The following OCA2 variants were observed in gnomAD, a reference collection of about 807,000 sequenced individuals.
OCA2 encodes P protein.
A neutral mutation model predicts 100.2 loss-of-function variants in OCA2; 77 were observed. The observed-to-expected ratio is 0.77, with a 90% CI of 0.64 to 0.93. The LOEUF is 0.93. Among genes scored for constraint, OCA2 ranks in the 40% least tolerant of loss-of-function variants. The pLI is 0.00. For missense variants in OCA2, 1,062 were observed against 1,089.1 expected (o/e 0.98, Z 0.35); for synonymous variants, 432 against 439.2 (o/e 0.98, Z 0.21).
At chr15:27,762,163 A>C (rs2030891546) in intron 23 of OCA2, among the ~76,000 whole-genome samples, 1 of 152,196 alleles carries the variant, frequency 6.6e-6, no homozygotes, top group African/African-American at 2.4e-5. Context: ...ACTTTTAAGT[A>C]ATTTCCCATC....
chr15:27,868,544 G>T (rs2036417480), intron 21 of OCA2, among the ~76,000 whole-genome samples: 1 of 152,118 alleles, frequency 6.6e-6, no homozygotes, highest in Non-Finnish European at 1.5e-5. Flanking sequence ...AGAGTAGAAT[G>T]GTGGCTGTCG....
chr15:27,764,674 C>T lies in OCA2; in HGVS notation c.2433-9202G>A, dbSNP rs561321447. Among the ~76,000 whole-genome samples the T allele has an allele frequency of 1.3e-4, 20 of 152,254 alleles. No individual in the cohort carries two copies. The East Asian group carries it at 3.9e-3, about 30-fold the overall frequency. On this transcript the variant is annotated intron_variant, in intron 23 of 23. Transcript: ENST00000354638. ...GTTGTGACAGAGGCCTTGCGGTCCA[C>T]AAAGCCTGAAATATGCATTCACCCT...
intron 19 of OCA2, among the ~76,000 whole-genome samples, chr15:27,920,995 A>ATT (rs201490000): frequency 6.7e-6 from 1 of 148,498 alleles, no homozygotes; most frequent in Non-Finnish European, 1.5e-5. Context: ...GAAGAGAATA[A>ATT]TTTTTTTTAA....
chr15:27,943,905 T>C (rs1231522212), intron 18 of OCA2, among the ~76,000 whole-genome samples: 1 of 152,170 alleles, frequency 6.6e-6, no homozygotes, highest in African/African-American at 2.4e-5. Context: ...TATCTTCCTG[T>C]AACTTCTGTC....
chr15:27,776,814 C>T (rs1038588952), intron 23 of OCA2: 1 of 152,330 alleles, frequency 6.6e-6, no homozygotes, highest in African/African-American at 2.4e-5. Context: ...GAGGTCTCCT[C>T]TGCACCCTCT....
chr15:28,005,092 C>T (rs2042052283), intron 9 of OCA2, among the ~76,000 whole-genome samples: 2 of 152,154 alleles, frequency 1.3e-5, no homozygotes, highest in African/African-American at 2.4e-5. Flanking sequence ...GGTGTCAGGG[C>T]GTCCAGGAGG....
intron 2 of OCA2, 117 bp from the exon 3 acceptor site, chr15:28,032,280 A>G: frequency 2.4e-6 from 2 of 842,828 alleles, no homozygotes; most frequent in Non-Finnish European, 4.0e-6. Context: ...TCTTACAAGG[A>G]AATTTGCCTA....
chr15:27,843,491 T>C (rs765791964), intron 23 of OCA2, among the ~76,000 whole-genome samples: 11 of 152,172 alleles, frequency 7.2e-5, no homozygotes, highest in Non-Finnish European at 1.3e-4. Context: ...CTTGTTTAAC[T>C]GACAGGATGA....
At chr15:27,951,218 GA>G (rs2040016507) in intron 18 of OCA2, among the ~76,000 whole-genome samples, 1 of 152,206 alleles carries the variant, frequency 6.6e-6, no homozygotes, top group African/African-American at 2.4e-5. Context: ...ACAGGCTAGA[GA>G]AAGTGGAGAG....
At chr15:27,807,244 C>T (rs1354927678) in intron 23 of OCA2, among the ~76,000 whole-genome samples, 2 of 152,180 alleles carry the variant, frequency 1.3e-5, no homozygotes, top group Non-Finnish European at 2.9e-5. Flanking sequence ...GGTCTCCCCA[C>T]TCAAGCCATA....
chr15:28,028,848 A>C (rs2042832086), intron 3 of OCA2, among the ~76,000 whole-genome samples: 1 of 151,902 alleles, frequency 6.6e-6, no homozygotes, highest in Non-Finnish European at 1.5e-5. Context: ...ACCATGCCCA[A>C]CTAATTTTTG....
chr15:28,011,988 A>G (rs2042255048), intron 9 of OCA2, among the ~76,000 whole-genome samples: 1 of 152,156 alleles, frequency 6.6e-6, no homozygotes, highest in Admixed American at 6.5e-5. Flanking sequence ...AAAAAAAAAA[A>G]AGGAAAAAAA....
the OCA2 span, among the ~76,000 whole-genome samples, chr15:27,728,972 A>G: frequency 2.6e-5 from 4 of 152,204 alleles, no homozygotes; most frequent in South Asian, 8.3e-4. Context: ...TCTTCCCTCA[A>G]TGTAACTTTT....
intron 2 of OCA2, among the ~76,000 whole-genome samples, chr15:28,080,489 T>C (rs1026005917): frequency 1.1e-4 from 16 of 152,304 alleles, no homozygotes; most frequent in African/African-American, 3.6e-4. Context: ...TCAAAACACA[T>C]TGCCAAAGAG....
rs373254319 is a variant in OCA2 at position 28,009,036 on chromosome 15, C to G, written c.1044+5740G>C. Among the ~76,000 whole-genome samples the G allele has an allele frequency of 3.4e-4, 52 of 152,316 alleles. No individual in the cohort carries two copies. In the South Asian group the frequency reaches 6.2e-3, roughly 18 times the overall value. ...GCAAATTCTACCCCTAGAGTAGATC[C>G]TAGGAATAATGCAATGTTGGCTCCA... is the stretch of plus-strand genomic sequence containing the variant. On this transcript the variant is annotated intron_variant, in intron 9 of 23. Coordinates refer to ENST00000354638, the MANE Select transcript of OCA2 (RefSeq NM_000275.3).
chr15:28,026,769 G>T (rs941821304), intron 4 of OCA2, among the ~76,000 whole-genome samples: 1 of 152,194 alleles, frequency 6.6e-6, no homozygotes, highest in Non-Finnish European at 1.5e-5. Flanking sequence ...CACTTGGAGC[G>T]TGCAGGCGGG....
In OCA2 at chr15:27,913,887, G is replaced by GAA. The variant is rs1225581345; in HGVS notation, c.2079+12238_2079+12239dup. 2.5e-3 allele frequency among the ~76,000 whole-genome samples: 121 copies of GAA among 48,804 alleles called. 2 individuals carry two copies. Among genetic ancestry groups the GAA allele is most frequent in the Middle Eastern group, 0.013 (1 of 76 alleles). 32.0% of individuals were successfully genotyped at this position (48,804 alleles called of 152,430 possible). A position where few individuals can be genotyped will look rare whatever the true frequency, so the allele number is the denominator to read the frequency against. On this transcript the variant is annotated intron_variant, in intron 19 of 23. Coordinates refer to ENST00000354638, the MANE Select transcript of OCA2 (RefSeq NM_000275.3). ...AGAAAGAAAGAAAGAAAGAAAGAAAGAAAGAAAGCAAGCAAGCAAGCAAGC... is the reference window on the plus strand; with the variant it reads ...AGAAAGAAAGAAAGAAAGAAAGAAAGAAAAAGAAAGCAAGCAAGCAAGCAAGC...
intron 2 of OCA2, among the ~76,000 whole-genome samples, chr15:28,074,889 C>T (rs2044384175): frequency 1.3e-5 from 2 of 152,076 alleles, no homozygotes; most frequent in Admixed American, 6.6e-5. Flanking sequence ...GATAAATGGA[C>T]AATGTATTTT....
In OCA2 at chr15:27,957,859, C is replaced by T; in HGVS notation, c.1637-124G>A. 1 of 1,079,870 alleles carries T rather than the reference C, an allele frequency of 9.3e-7. No individual in the cohort carries two copies. Among genetic ancestry groups the T allele is most frequent in the Non-Finnish European group, 1.4e-6 (1 of 723,162 alleles). The allele number at this position is 1,079,870 out of a possible 1,614,324, so 66.9% of individuals were successfully genotyped here. ...CACACACTCGAGACGTGCAGGTAGC[C>T]CAGGGTCACCCAGAGCTTCTCAGCA... On this transcript the variant is annotated intron_variant, in intron 15 of 23. Transcript: ENST00000354638. The surrounding 1 kb of genome is among the most constrained non-coding windows in gnomAD (Gnocchi z 4.3).
Sources: gnomAD v4.1 joint callset for allele counts (sites outside exome capture counted in the v4.1 genomes callset) on GRCh38, gnomAD v4.1.1 for gene constraint, Gnocchi (gnomAD v3.1) non-coding constraint, MANE v1.5 for transcripts, NCBI Gene and HGNC (gene_info 2026-07-23, HGNC 2026-07-21) for gene names.